The following SRPX variants were observed in gnomAD, a reference collection of about 807,000 sequenced individuals.
The protein encoded by SRPX is sushi repeat containing protein X-linked, also known as sushi repeat-containing protein SRPX.
In SRPX, 24 loss-of-function variants were observed where a neutral mutation model predicts 38.1. The ratio of observed to expected loss-of-function variants is 0.63; its 90% confidence interval spans 0.46 to 0.89. SRPX has a LOEUF of 0.89. SRPX is among the 40% of genes least tolerant of loss of function. The pLI, the probability that SRPX is intolerant of heterozygous loss-of-function variation, is 0.00. For missense variants in SRPX, 416 were observed against 377.8 expected (o/e 1.10, Z -0.84); for synonymous variants, 184 against 153.8 (o/e 1.20, Z -1.45).
chrX:38,184,458 T>C lies in SRPX; in HGVS notation c.98-6114A>G, dbSNP rs775295297. 2.7e-5 allele frequency among the ~76,000 whole-genome samples: 3 copies of C among 111,951 alleles called. No homozygotes were observed. The East Asian group carries it at 8.3e-4, about 31-fold the overall frequency. On this transcript the variant is annotated intron_variant, in intron 1 of 9. Coordinates refer to ENST00000378533, the MANE Select transcript of SRPX (RefSeq NM_006307.5). ...CCATCAATTTTATACTGAAAGTCAA[T>C]GGGAAAATAAAATTTACTTTGCAGT...
chrX:38,188,487 C>T (rs1365826008), intron 1 of SRPX, among the ~76,000 whole-genome samples: 1 of 111,911 alleles, frequency 8.9e-6, no homozygotes, highest in Non-Finnish European at 1.9e-5. Context: ...GTGCACTGCA[C>T]ATATAAAGAA....
Position 38,206,612 on chromosome X carries a change from C to T in SRPX, c.97+14084G>A, listed in dbSNP as rs1404618233. ...CCAGCTTAGCCATTGTCTGAGTTCC[C>T]CCAAAAGCACACTCTAAGACAAAGT... is the stretch of plus-strand genomic sequence containing the variant. On this transcript the variant is annotated intron_variant, in intron 1 of 9. Transcript: ENST00000378533. Among the ~76,000 whole-genome samples, 6 of 111,612 alleles carry T rather than the reference C, an allele frequency of 5.4e-5. No homozygotes were observed. The South Asian group carries it at 1.1e-3, about 21-fold the overall frequency.
At chrX:38,191,228 CA>C (rs1406759915) in intron 1 of SRPX, among the ~76,000 whole-genome samples, 1 of 111,874 alleles carries the variant, frequency 8.9e-6, no homozygotes, top group Non-Finnish European at 1.9e-5. Context: ...CTAACTTAAA[CA>C]GTAGACCATC....
intron 4 of SRPX, among the ~76,000 whole-genome samples, chrX:38,169,869 T>C (rs1387888614): frequency 8.9e-6 from 1 of 111,810 alleles, no homozygotes; most frequent in Non-Finnish European, 1.9e-5. Flanking sequence ...TAACCAAAAA[T>C]AACTAAAAAT....
intron 1 of SRPX, 132 bp from the exon 2 acceptor site, chrX:38,178,476 T>C: frequency 2.1e-6 from 1 of 475,758 alleles, no homozygotes; most frequent in Non-Finnish European, 3.5e-6. Context: ...AAAGCTTCTG[T>C]GGCCATTCAT....
At chrX:38,204,662 C>T (rs1249983300) in intron 1 of SRPX, among the ~76,000 whole-genome samples, 1 of 111,579 alleles carries the variant, frequency 9.0e-6, no homozygotes, top group Non-Finnish European at 1.9e-5. Context: ...AATTTAGAAA[C>T]TAGATGAAAA....
intron 1 of SRPX, among the ~76,000 whole-genome samples, chrX:38,203,756 G>A (rs1161973117): frequency 1.8e-5 from 2 of 111,989 alleles, no homozygotes; most frequent in Admixed American, 9.4e-5. Flanking sequence ...TCCAGCCTGC[G>A]CAACAAAAGG....
chrX:38,210,828 G>A (rs769955865), intron 1 of SRPX, among the ~76,000 whole-genome samples: 16 of 111,946 alleles, frequency 1.4e-4, no homozygotes, highest in Non-Finnish European at 2.8e-4. Flanking sequence ...GCTGAGCCTC[G>A]TGGTGGGGAA....
intron 1 of SRPX, 25 bp from the exon 2 acceptor site, chrX:38,178,369 G>T: frequency 8.4e-7 from 1 of 1,186,394 alleles, no homozygotes; most frequent in Non-Finnish European, 1.1e-6. Context: ...AACAGAAACT[G>T]CAGCAAGAAA....
intron 1 of SRPX, among the ~76,000 whole-genome samples, chrX:38,190,083 C>T (rs887784434): frequency 2.7e-5 from 3 of 112,139 alleles, no homozygotes; most frequent in African/African-American, 9.7e-5. Context: ...GTATAACTTA[C>T]AAAATTCTGG....
At position 38,171,880 on chromosome X, in the gene SRPX, C is replaced by T; in HGVS notation, c.526+1G>A. On this transcript the variant is annotated splice_donor_variant, in intron 4 of 9. Coordinates refer to ENST00000378533, the MANE Select transcript of SRPX (RefSeq NM_006307.5). LOFTEE classifies it high-confidence loss of function. ...TCCTAAGGGCTGTGGCATTTTCTTA[C>T]CCACACAGGAGGCTGGCCGGCCGCT... 8.3e-7 allele frequency: 1 copy of T among 1,211,072 alleles called. No homozygotes were observed. Among genetic ancestry groups the T allele is most frequent in the Non-Finnish European group, 1.1e-6 (1 of 895,077 alleles).
At chrX:38,203,928 C>A (rs1939164758) in intron 1 of SRPX, among the ~76,000 whole-genome samples, 1 of 112,170 alleles carries the variant, frequency 8.9e-6, no homozygotes, top group Admixed American at 9.4e-5. Context: ...CCACAAAAAT[C>A]AATTGTATTT....
chrX:38,217,176 C>T (rs938556911), intron 1 of SRPX, among the ~76,000 whole-genome samples: 6 of 112,803 alleles, frequency 5.3e-5, no homozygotes, highest in South Asian at 3.6e-4. Context: ...AAGGGTAAGA[C>T]ATAGCACGGC....
Position 38,150,335 on chromosome X carries a change from G to A in SRPX, c.1212-441C>T, listed in dbSNP as rs182818609. Among the ~76,000 whole-genome samples the A allele has an allele frequency of 1.9e-3, 212 of 112,084 alleles. 2 individuals carry two copies. The highest frequency in any genetic ancestry group is 6.3e-3 in the African/African-American group (194 of 30,861). Reference sequence around the variant, plus strand: ...AGTTTGGAATCAACCCAAAACCCACGTTTGCTGACTAGTGTTGCACGACCA... The same window carrying A: ...AGTTTGGAATCAACCCAAAACCCACATTTGCTGACTAGTGTTGCACGACCA... On this transcript the variant is annotated intron_variant, in intron 9 of 9. Coordinates refer to ENST00000378533, the MANE Select transcript of SRPX (RefSeq NM_006307.5).
At chrX:38,192,031 C>A (rs1348127471) in intron 1 of SRPX, among the ~76,000 whole-genome samples, 1 of 111,592 alleles carries the variant, frequency 9.0e-6, no homozygotes, top group Admixed American at 9.5e-5. Flanking sequence ...GCAGAACAGG[C>A]AAGTGGAGAT....
chrX:38,161,423 G>T (rs1413346851), intron 5 of SRPX, among the ~76,000 whole-genome samples: 1 of 106,042 alleles, frequency 9.4e-6, no homozygotes, highest in Non-Finnish European at 1.9e-5. Context: ...GGGAAGACGA[G>T]GGAATTTTCT....
chrX:38,154,689 T>C, intron 8 of SRPX, 106 bp from the exon 9 acceptor site: 1 of 1,025,779 alleles, frequency 9.7e-7, no homozygotes, highest in Non-Finnish European at 1.3e-6. Context: ...TCTGGAAGTT[T>C]ATTTGCTCAC....
chrX:38,199,306 T>C (rs1286638052), intron 1 of SRPX, among the ~76,000 whole-genome samples: 3 of 111,716 alleles, frequency 2.7e-5, no homozygotes, highest in Non-Finnish European at 5.6e-5. Flanking sequence ...CTCGGGAGGC[T>C]GAGGCAGGAG....
At chrX:38,191,578 T>A (rs1345621877) in intron 1 of SRPX, among the ~76,000 whole-genome samples, 1 of 111,129 alleles carries the variant, frequency 9.0e-6, no homozygotes, top group East Asian at 2.8e-4. Flanking sequence ...ATACCATATT[T>A]TATTGACTCT....
Sources: gnomAD v4.1 joint callset for allele counts (sites outside exome capture counted in the v4.1 genomes callset) on GRCh38, gnomAD v4.1.1 for gene constraint, MANE v1.5 for transcripts, NCBI Gene and HGNC (gene_info 2026-07-23, HGNC 2026-07-21) for gene names.